PAK1: variants seen among roughly 807,000 people sequenced by gnomAD.
PAK1 encodes the protein serine/threonine-protein kinase PAK 1.
In PAK1, 29 loss-of-function variants were observed where a neutral mutation model predicts 67.4. That is an observed-to-expected ratio of 0.43 (90% CI 0.32 to 0.59). The LOEUF (loss-of-function observed/expected upper bound fraction) is 0.59. Among genes scored for constraint, PAK1 ranks in the 20% least tolerant of loss-of-function variants. The probability of loss-of-function intolerance (pLI) is 0.07; values close to 1 mark genes in which losing one functional copy is unlikely to be tolerated. For missense variants in PAK1, 337 were observed against 670.7 expected, an observed-to-expected ratio of 0.50 and a Z score of 5.50; for synonymous variants, 223 against 237.4, an observed-to-expected ratio of 0.94 and a Z score of 0.56.
In PAK1 at chr11:77,343,929, C is replaced by A; in HGVS notation, c.888G>T (p.Val296=). 6.3e-7 allele frequency: 1 copy of A among 1,597,094 alleles called. No homozygotes were observed. The highest frequency in any genetic ancestry group is 1.7e-4 in the Middle Eastern group (1 of 6,018). Residue 296 remains valine, a splice_region_variant and synonymous_variant, in exon 10 of 15, where the codon GTG becomes GTT. Coordinates refer to ENST00000356341, the MANE Select transcript of PAK1 (RefSeq NM_002576.5). The part of the protein sequence containing the change: ...TAMDVATGQE[V]AIKQMNLQQQ... Reference sequence around the variant, plus strand: ...GCTGAAGATTCATCTGCTTAATGGCCACCTGAAATCAAGAGTATATTCAAT... The same window carrying A: ...GCTGAAGATTCATCTGCTTAATGGCAACCTGAAATCAAGAGTATATTCAAT...
intron 2 of PAK1, 106 bp downstream of exon 2, chr11:77,392,225 A>C: frequency 1.2e-6 from 1 of 820,938 alleles, no homozygotes; most frequent in Non-Finnish European, 1.8e-6. Context: ...CCAGAAAGAA[A>C]ACATTAAAGG....
chr11:77,519,150 A>C, the PAK1 span, among the ~76,000 whole-genome samples: 1 of 152,158 alleles, frequency 6.6e-6, no homozygotes, highest in East Asian at 1.9e-4. Flanking sequence ...AAATACATGT[A>C]TTTTTTATGG....
the PAK1 span, chr11:77,515,105 C>T: frequency 1.3e-5 from 2 of 152,312 alleles, no homozygotes; most frequent in Admixed American, 1.3e-4. Context: ...AAACATCCAA[C>T]TTAGCTTTCA....
intron 4 of PAK1, among the ~76,000 whole-genome samples, chr11:77,374,831 A>ATATCT (rs1447465610): frequency 1.3e-5 from 2 of 152,200 alleles, no homozygotes; most frequent in Non-Finnish European, 2.9e-5. Context: ...AAGTATTTGT[A>ATATCT]TATCTAAACA....
chr11:77,500,819 A>G, the PAK1 span, among the ~76,000 whole-genome samples: 1 of 150,888 alleles, frequency 6.6e-6, no homozygotes, highest in African/African-American at 2.4e-5. Context: ...ACTCCAGTCT[A>G]GGAGACAGAG....
At chr11:77,372,735 T>A (rs962508608) in intron 5 of PAK1, among the ~76,000 whole-genome samples, 2 of 152,194 alleles carry the variant, frequency 1.3e-5, no homozygotes, top group African/African-American at 4.8e-5. Context: ...TCATAACCAC[T>A]TCGCAGTTCC....
the PAK1 span, among the ~76,000 whole-genome samples, chr11:77,481,197 A>G: frequency 6.6e-6 from 1 of 152,218 alleles, no homozygotes; most frequent in Non-Finnish European, 1.5e-5. Flanking sequence ...TATATTAACT[A>G]CATCGTTCCA....
chr11:77,347,852 C>T (rs1363243288), intron 9 of PAK1, among the ~76,000 whole-genome samples: 1 of 152,174 alleles, frequency 6.6e-6, no homozygotes, highest in African/African-American at 2.4e-5. Context: ...TCTTTCAACA[C>T]TTTCGTGGAC....
chr11:77,499,287 T>G, the PAK1 span, among the ~76,000 whole-genome samples: 1 of 152,168 alleles, frequency 6.6e-6, no homozygotes, highest in African/African-American at 2.4e-5. Flanking sequence ...GGTCTTGAAC[T>G]CCTGGGCTCA....
At chr11:77,462,325 C>T (rs1000574261) in intron 1 of PAK1, among the ~76,000 whole-genome samples, 24 of 119,352 alleles carry the variant, frequency 2.0e-4, no homozygotes, top group South Asian at 1.1e-3. Flanking sequence ...AGTGAGACTC[C>T]GTCTCAAAAA....
chr11:77,513,099 G>A, the PAK1 span, among the ~76,000 whole-genome samples: 1 of 152,016 alleles, frequency 6.6e-6, no homozygotes, highest in Non-Finnish European at 1.5e-5. Flanking sequence ...CAGAGAAAAA[G>A]AAAAGAAAAT....
At chr11:77,354,602 A>T (rs1945746304) in intron 7 of PAK1, among the ~76,000 whole-genome samples, 1 of 152,234 alleles carries the variant, frequency 6.6e-6, no homozygotes, top group Non-Finnish European at 1.5e-5. Flanking sequence ...TGGTTTAGAG[A>T]ACAAGACTAC....
chr11:77,361,014 T>G (rs1283746567), intron 5 of PAK1, among the ~76,000 whole-genome samples: 3 of 152,170 alleles, frequency 2.0e-5, no homozygotes, highest in African/African-American at 7.2e-5. Context: ...TCTACCCATA[T>G]AGCCATCCAT....
intron 2 of PAK1, among the ~76,000 whole-genome samples, chr11:77,383,385 C>T (rs1166166803): frequency 2.7e-5 from 4 of 146,386 alleles, no homozygotes; most frequent in East Asian, 4.0e-4. Flanking sequence ...AGTACAATGG[C>T]GTGATCTCAG....
the PAK1 span, among the ~76,000 whole-genome samples, chr11:77,504,830 T>G: frequency 6.6e-6 from 1 of 152,240 alleles, no homozygotes; most frequent in Non-Finnish European, 1.5e-5. Context: ...AAAACACTTA[T>G]GAGTGCTCAC....
intron 1 of PAK1, among the ~76,000 whole-genome samples, chr11:77,443,993 G>A (rs1956478664): frequency 6.6e-6 from 1 of 152,148 alleles, no homozygotes; most frequent in African/African-American, 2.4e-5. Context: ...AGCAACACTG[G>A]AGAGCAGTTT....
the PAK1 span, among the ~76,000 whole-genome samples, chr11:77,493,872 A>G: frequency 4.5e-4 from 68 of 152,242 alleles, no homozygotes; most frequent in African/African-American, 1.5e-3. Flanking sequence ...GAAAGTATAA[A>G]CTGACTGGAT....
At chr11:77,501,065 C>T in the PAK1 span, among the ~76,000 whole-genome samples, 5 of 151,700 alleles carry the variant, frequency 3.3e-5, no homozygotes, top group Non-Finnish European at 5.9e-5. Context: ...GCAGGAGAAT[C>T]GCTTGAACCC....
chr11:77,517,891 C>G, the PAK1 span, among the ~76,000 whole-genome samples: 1 of 152,090 alleles, frequency 6.6e-6, no homozygotes, highest in Non-Finnish European at 1.5e-5. Context: ...AGGGTTCACG[C>G]TCCTAAAAGA....
Sources: gnomAD v4.1 joint callset for allele counts (sites outside exome capture counted in the v4.1 genomes callset) on GRCh38, gnomAD v4.1.1 for gene constraint, MANE v1.5 for transcripts, NCBI Gene and HGNC (gene_info 2026-07-23, HGNC 2026-07-21) for gene names.